Variants in AK9 observed in about 807,000 individuals in gnomAD.
AK9 encodes adenylate kinase domain containing 1.
A neutral mutation model predicts 239.6 loss-of-function variants in AK9; 191 were observed. The ratio of observed to expected loss-of-function variants is 0.80; its 90% confidence interval spans 0.71 to 0.90. The LOEUF (loss-of-function observed/expected upper bound fraction) is 0.90, where lower values mean the gene tolerates loss of function less well. AK9 is among the 40% of genes least tolerant of loss of function. The pLI is 0.00. For missense variants in AK9, 1,995 were observed against 2,214.7 expected (o/e 0.90, Z 1.99); for synonymous variants, 689 against 721.0 (o/e 0.96, Z 0.71).
chr6:109,522,927 A>G (rs1291674372), intron 29 of AK9, among the ~76,000 whole-genome samples: 2 of 152,128 alleles, frequency 1.3e-5, no homozygotes, highest in African/African-American at 2.4e-5. Flanking sequence ...AAAGGTATCA[A>G]CCAACATTCT....
chr6:109,668,074 CTT>C (rs1265463931), intron 5 of AK9, among the ~76,000 whole-genome samples: 2 of 152,150 alleles, frequency 1.3e-5, no homozygotes, highest in Admixed American at 1.3e-4. Context: ...TGTTTCCTGA[CTT>C]TTTAATGATT....
At chr6:109,607,239 C>CCT (rs1793001719) in intron 17 of AK9, among the ~76,000 whole-genome samples, 1 of 152,132 alleles carries the variant, frequency 6.6e-6, no homozygotes, top group African/African-American at 2.4e-5. Context: ...ACGTTGAAGA[C>CCT]CTTTACCTTG....
At chr6:109,629,504 T>C (rs1795892772) in intron 12 of AK9, among the ~76,000 whole-genome samples, 1 of 152,196 alleles carries the variant, frequency 6.6e-6, no homozygotes, top group South Asian at 2.1e-4. Context: ...GAAGTTTTTC[T>C]AAACACTTAC....
chr6:109,558,738 T>A lies in AK9; in HGVS notation c.2751+4859A>T, dbSNP rs113052215. ...CTGGATTTTCAAATGAATGTTAGGA[T>A]CAATTTATAAGTTTCTACCAAACAG... On this transcript the variant is annotated intron_variant, in intron 24 of 40. Coordinates refer to ENST00000424296, the MANE Select transcript of AK9 (RefSeq NM_001145128.3). 7.7e-3 allele frequency among the ~76,000 whole-genome samples: 1,169 copies of A among 152,218 alleles called. 17 individuals carry two copies. The highest frequency in any genetic ancestry group is 0.026 in the African/African-American group (1,097 of 41,576).
intron 21 of AK9, among the ~76,000 whole-genome samples, chr6:109,569,518 G>T (rs1040621141): frequency 6.6e-6 from 1 of 152,086 alleles, no homozygotes; most frequent in Non-Finnish European, 1.5e-5. Flanking sequence ...GAAAATTTTT[G>T]CAATCTACCC....
chr6:109,642,387 G>A (rs1187212942), intron 9 of AK9, among the ~76,000 whole-genome samples: 1 of 152,172 alleles, frequency 6.6e-6, no homozygotes, highest in Non-Finnish European at 1.5e-5. Flanking sequence ...GGTAGCCTGT[G>A]ACAGACTGTG....
intron 5 of AK9, among the ~76,000 whole-genome samples, chr6:109,667,118 G>A (rs1010642299): frequency 6.7e-6 from 1 of 148,762 alleles, no homozygotes; most frequent in African/African-American, 2.4e-5. Context: ...GATAATTATA[G>A]ATCGTGTAGG....
intron 24 of AK9, 36 bp from the exon 25 acceptor site, chr6:109,550,338 C>T (rs1177704405): frequency 1.3e-6 from 2 of 1,550,010 alleles, no homozygotes; most frequent in Admixed American, 2.0e-5. Context: ...GAACATTAAA[C>T]TAAAAAAGTA....
chr6:109,545,426 G>A (rs1378778130), intron 26 of AK9, among the ~76,000 whole-genome samples: 1 of 152,184 alleles, frequency 6.6e-6, no homozygotes, highest in Non-Finnish European at 1.5e-5. Context: ...GGAAGTAATT[G>A]AATCATGGGG....
At chr6:109,605,098 A>T (rs1177826959) in intron 17 of AK9, among the ~76,000 whole-genome samples, 1 of 152,170 alleles carries the variant, frequency 6.6e-6, no homozygotes, top group Non-Finnish European at 1.5e-5. Flanking sequence ...TCCTGTTATT[A>T]TGTTTCAAGG....
At chr6:109,559,403 G>A (rs1022917378) in intron 24 of AK9, among the ~76,000 whole-genome samples, 2 of 152,068 alleles carry the variant, frequency 1.3e-5, no homozygotes, top group African/African-American at 2.4e-5. Flanking sequence ...TCCTAACCTC[G>A]TGATCTGCCC....
At position 109,529,005 on chromosome 6, in the gene AK9, A is replaced by G; in HGVS notation, c.3633+6T>C. 1 of 1,600,620 alleles carries G rather than the reference A, an allele frequency of 6.2e-7. No homozygotes were observed. Among genetic ancestry groups the G allele is most frequent in the South Asian group, 1.1e-5 (1 of 89,638 alleles). The stretch of plus-strand genomic sequence containing the variant: ...CTGTTTTGAAAAAAAAAACAAAACT[A>G]CTTACCTCCCTCCTTTTTTTATCTC... On this transcript the variant is annotated splice_donor_region_variant and intron_variant, in intron 29 of 40. Coordinates refer to ENST00000424296, the MANE Select transcript of AK9 (RefSeq NM_001145128.3).
intron 5 of AK9, 103 bp from the exon 6 acceptor site, chr6:109,662,766 C>G (rs1488990953): frequency 2.2e-6 from 1 of 460,480 alleles, no homozygotes; most frequent in African/African-American, 2.1e-5. Flanking sequence ...TTACTTTATA[C>G]TCATCTATCA....
chr6:109,562,397 T>C (rs897046313), intron 24 of AK9, among the ~76,000 whole-genome samples: 5 of 152,212 alleles, frequency 3.3e-5, no homozygotes, highest in Non-Finnish European at 7.3e-5. Flanking sequence ...TTTTTGAACA[T>C]ATAGAATAAC....
intron 16 of AK9, among the ~76,000 whole-genome samples, chr6:109,610,765 A>C (rs1055897864): frequency 6.6e-6 from 1 of 152,218 alleles, no homozygotes; most frequent in African/African-American, 2.4e-5. Context: ...GCAAGAAGAA[A>C]GTCATGTCTG....
At chr6:109,543,954 AC>A (rs1783206648) in intron 26 of AK9, among the ~76,000 whole-genome samples, 1 of 151,828 alleles carries the variant, frequency 6.6e-6, no homozygotes, top group Admixed American at 6.6e-5. Context: ...TCCCATCTAT[AC>A]AAAAAATACA....
Position 109,656,884 on chromosome 6 carries a change from C to G in AK9, c.631G>C (p.Ala211Pro), listed in dbSNP as rs757298277. 2 of 1,611,968 alleles carry G rather than the reference C, an allele frequency of 1.2e-6. No homozygotes were observed. The highest frequency in any genetic ancestry group is 1.7e-6 in the Non-Finnish European group (2 of 1,178,978). Residue 211 changes from alanine (A) to proline (P), a missense_variant and splice_region_variant, in exon 8 of 41, where the codon GCA becomes CCA. Transcript: ENST00000424296. ...ACCATCTGCATTTCGGCAATAAATG[C>G]CTAAATGGAAAAGAAGAGATTTCAA... ...EEEEEQEEEE[A>P]FIAEMQMVAE...
chr6:109,516,235 T>C (rs1779262033), intron 30 of AK9, among the ~76,000 whole-genome samples, 160 bp from the exon 31 acceptor site: 1 of 152,232 alleles, frequency 6.6e-6, no homozygotes, highest in Non-Finnish European at 1.5e-5. Flanking sequence ...AAACTTACTC[T>C]GACCCTCTGT....
At chr6:109,603,751 C>T (rs1309758231) in intron 17 of AK9, among the ~76,000 whole-genome samples, 1 of 152,180 alleles carries the variant, frequency 6.6e-6, no homozygotes, top group African/African-American at 2.4e-5. Context: ...CTTTGTTTAC[C>T]TACTCAAGCC....
Sources: gnomAD v4.1 joint callset for allele counts (sites outside exome capture counted in the v4.1 genomes callset) on GRCh38, gnomAD v4.1.1 for gene constraint, MANE v1.5 for transcripts, NCBI Gene and HGNC (gene_info 2026-07-23, HGNC 2026-07-21) for gene names.